Variants in CHL1 observed in about 807,000 individuals in gnomAD.
The protein encoded by CHL1 is cell adhesion molecule L1 like, also known as neural cell adhesion molecule L1-like protein.
Under a neutral mutation model 141.9 loss-of-function variants are expected in CHL1, and 96 were observed. The observed-to-expected ratio is 0.68, with a 90% confidence interval of 0.57 to 0.80. The LOEUF is 0.80. CHL1 is among the 30% of genes least tolerant of loss of function. The probability of loss-of-function intolerance (pLI) is 0.00; values close to 1 mark genes in which losing one functional copy is unlikely to be tolerated. For synonymous variants in CHL1, 613 were observed against 502.2 expected (o/e 1.22, Z -2.95); for missense variants, 1,820 against 1,457.2 (o/e 1.25, Z -4.05).
intron 8 of CHL1, among the ~76,000 whole-genome samples, chr3:344,096 C>T (rs1014738955): frequency 3.3e-5 from 5 of 152,000 alleles, no homozygotes; most frequent in Non-Finnish European, 7.4e-5. Context: ...GTAGAGTTGC[C>T]GAAAGAGCTT....
intron 23 of CHL1, among the ~76,000 whole-genome samples, chr3:392,641 C>G (rs1708323602): frequency 1.3e-5 from 2 of 152,194 alleles, no homozygotes; most frequent in Admixed American, 6.5e-5. Flanking sequence ...TCCCAAAACA[C>G]CAGAAATACA....
At position 389,389 on chromosome 3, in the gene CHL1, C is replaced by G. The variant is rs1243668067; in HGVS notation, c.2385C>G (p.Ala795=). 2 of 1,614,014 alleles carry G rather than the reference C, an allele frequency of 1.2e-6. No homozygotes were observed. Among genetic ancestry groups the G allele is most frequent in the African/African-American group, 2.7e-5 (2 of 74,904 alleles). Residue 795 remains alanine, a synonymous_variant, in exon 20 of 28, where the codon GCC becomes GCG. Coordinates refer to ENST00000256509, the MANE Select transcript of CHL1 (RefSeq NM_006614.4). ...GGGTGATGACGCCTGCTGTCTATGCCCCTTATGATGTCAAGGTCCAGGCTA... is the reference window on the plus strand; with the variant it reads ...GGGTGATGACGCCTGCTGTCTATGCGCCTTATGATGTCAAGGTCCAGGCTA... ...TLRVMTPAVY[A]PYDVKVQAIN...
At chr3:220,504 G>A (rs898868660) in intron 1 of CHL1, among the ~76,000 whole-genome samples, 1 of 151,930 alleles carries the variant, frequency 6.6e-6, no homozygotes. Flanking sequence ...ACTAACGATA[G>A]CTGATGAGTT....
At chr3:390,438 C>T (rs1284452617) in intron 20 of CHL1, among the ~76,000 whole-genome samples, 1 of 152,208 alleles carries the variant, frequency 6.6e-6, no homozygotes. Context: ...AAGATGCCCA[C>T]AGAATAGTTT....
At chr3:304,473 G>A (rs138279122) in intron 2 of CHL1, among the ~76,000 whole-genome samples, 2,482 of 152,260 alleles carry the variant, frequency 0.016, 64 homozygotes, top group African/African-American at 0.057. Flanking sequence ...ACTTGGGAGG[G>A]TGTATGTGTC....
chr3:404,663 A>C (rs1040134861), intron 27 of CHL1, among the ~76,000 whole-genome samples: 2 of 152,202 alleles, frequency 1.3e-5, no homozygotes, highest in African/African-American at 4.8e-5. Context: ...ATTTGGTTTC[A>C]AAAACAGAAT....
chr3:382,160 C>T lies in CHL1; in HGVS notation c.1877-19C>T, dbSNP rs1445495390. The T allele has an allele frequency of 7.5e-6, 12 of 1,593,152 alleles. No homozygotes were observed. The highest frequency in any genetic ancestry group is 1.7e-4 in the Middle Eastern group (1 of 6,020). ...AAACAAAGGCAATTATCTACATTTT[C>T]CCTTCCTTTATTAATTAGATGTTCC... On this transcript the variant is annotated intron_variant, in intron 16 of 27. Transcript: ENST00000256509.
chr3:297,992 G>C (rs76603053), intron 2 of CHL1, among the ~76,000 whole-genome samples: 131 of 152,246 alleles, frequency 8.6e-4, no homozygotes, highest in African/African-American at 3.1e-3. Flanking sequence ...AGAATATTAG[G>C]TGGTCATCTT....
chr3:379,650 C>T (rs144429018), intron 16 of CHL1, among the ~76,000 whole-genome samples: 44 of 152,076 alleles, frequency 2.9e-4, no homozygotes, highest in Non-Finnish European at 4.7e-4. Context: ...TTCATTCTTG[C>T]GATTAGGCTG....
intron 7 of CHL1, 51 bp downstream of exon 7, chr3:342,133 T>A (rs1702391728): frequency 6.7e-7 from 1 of 1,503,556 alleles, no homozygotes; most frequent in African/African-American, 1.4e-5. Flanking sequence ...TGCAAATGTG[T>A]CTGTAATTTC....
In CHL1 at chr3:382,562, C is replaced by G. The variant is rs1409018474; in HGVS notation, c.2067C>G (p.Ile689Met). 3.1e-6 allele frequency: 5 copies of G among 1,613,770 alleles called. No homozygotes were observed. In the East Asian group the frequency reaches 1.1e-4, roughly 36 times the overall value. Residue 689 changes from isoleucine (I) to methionine (M), a missense_variant, in exon 18 of 28, where the codon ATC becomes ATG. Ile to Met is a conservative substitution (Grantham distance 10, BLOSUM62 1). Transcript: ENST00000256509. ...TRVQGKKTTV[I>M]LPLAPFVRYQ... ...TCCAAGGAAAGAAAACCACAGTTAT[C>G]TTACCTTTGGCTCCATTTGTGAGAT...
intron 4 of CHL1, among the ~76,000 whole-genome samples, chr3:327,719 G>A (rs1321127736): frequency 6.6e-6 from 1 of 151,792 alleles, no homozygotes; most frequent in Non-Finnish European, 1.5e-5. Context: ...TATATTCAGT[G>A]TGGTCTCAAA....
chr3:230,417 A>C (rs543668830), intron 1 of CHL1, among the ~76,000 whole-genome samples: 4 of 152,248 alleles, frequency 2.6e-5, no homozygotes, highest in Non-Finnish European at 5.9e-5. Flanking sequence ...GACTTGAAAA[A>C]AATATGATTT....
chr3:379,111 G>T (rs969418813), intron 16 of CHL1, among the ~76,000 whole-genome samples: 2 of 152,082 alleles, frequency 1.3e-5, no homozygotes, highest in Non-Finnish European at 2.9e-5. Flanking sequence ...CACTCCAGCT[G>T]TTGGGGCCAC....
At chr3:258,642 T>G (rs1248170125) in intron 2 of CHL1, among the ~76,000 whole-genome samples, 6 of 152,220 alleles carry the variant, frequency 3.9e-5, no homozygotes, top group Non-Finnish European at 8.8e-5. Context: ...ATAATGTCAG[T>G]CCCTTTTTCC....
At chr3:209,562 TC>T (rs1284831860) in intron 1 of CHL1, among the ~76,000 whole-genome samples, 4 of 152,094 alleles carry the variant, frequency 2.6e-5, no homozygotes, top group Non-Finnish European at 5.9e-5. Context: ...AGAACCCTAA[TC>T]TTTTTTTTGT....
Position 390,946 on chromosome 3 carries a change from T to C in CHL1, c.2587-9T>C. On this transcript the variant is annotated splice_polypyrimidine_tract_variant and intron_variant, in intron 21 of 27. Transcript: ENST00000256509. ...TGGATATACTAAAAGATTTTGGTTT[T>C]CATTGCAGATAAATTGGTGGAAAAC... The C allele has an allele frequency of 1.2e-6, 2 of 1,612,688 alleles. No individual in the cohort carries two copies. The highest frequency in any genetic ancestry group is 1.7e-6 in the Non-Finnish European group (2 of 1,178,946).
chr3:224,024 T>TAA (rs1335336656), intron 1 of CHL1, among the ~76,000 whole-genome samples: 1 of 152,176 alleles, frequency 6.6e-6, no homozygotes, highest in Non-Finnish European at 1.5e-5. Flanking sequence ...TGATGTTACC[T>TAA]ATAGGAGCAA....
At chr3:398,855 T>C (rs1708888162) in intron 25 of CHL1, among the ~76,000 whole-genome samples, 162 bp from the exon 26 acceptor site, 2 of 152,204 alleles carry the variant, frequency 1.3e-5, no homozygotes, top group Non-Finnish European at 2.9e-5. Flanking sequence ...TTTACCAGTA[T>C]TCTCCCATTA....
Sources: allele counts gnomAD v4.1 joint callset (sites outside exome capture counted in the v4.1 genomes callset), GRCh38; gene constraint gnomAD v4.1.1; transcripts MANE v1.5; gene names NCBI Gene and HGNC (gene_info 2026-07-23, HGNC 2026-07-21).